The following ZMIZ2 variants were observed in gnomAD, a reference collection of about 807,000 sequenced individuals.
ZMIZ2 encodes zinc finger MIZ-type containing 2.
A neutral mutation model predicts 93.9 loss-of-function variants in ZMIZ2; 26 were observed. The observed-to-expected ratio is 0.28, with a 90% CI of 0.20 to 0.38. The LOEUF (loss-of-function observed/expected upper bound fraction) is 0.38. Ranked by LOEUF, ZMIZ2 falls within the 10% of genes least tolerant of loss-of-function variation. The pLI is 1.00. For missense variants in ZMIZ2, 1,023 were observed against 1,235.0 expected (o/e 0.83, Z 2.57); for synonymous variants, 485 against 516.4 (o/e 0.94, Z 0.82).
At chr7:44,755,801 C>T (rs1790538374) in intron 1 of ZMIZ2, among the ~76,000 whole-genome samples, 1 of 152,198 alleles carries the variant, frequency 6.6e-6, no homozygotes, top group Non-Finnish European at 1.5e-5. Flanking sequence ...TGGCTACTGG[C>T]TCCTCTCTAA....
rs764732978 is a variant in ZMIZ2 at position 44,766,484 on chromosome 7, A to G, written c.2476A>G (p.Asn826Asp). 6.8e-6 allele frequency: 11 copies of G among 1,613,936 alleles called. No individual in the cohort carries two copies. In the Admixed American group the frequency reaches 1.2e-4, roughly 17 times the overall value. ...NPGTPGLHTS[N>D]LGAPPGPQLH... ...TGGGACACCAGGACTACACACCTCCAACCTTGGGGCCCCTCCAGGTCCCCA... is the reference window on the plus strand; with the variant it reads ...TGGGACACCAGGACTACACACCTCCGACCTTGGGGCCCCTCCAGGTCCCCA... Residue 826 changes from asparagine (N) to aspartate (D), a missense_variant, in exon 18 of 19, where the codon AAC becomes GAC. By Grantham distance (23) the Asn-to-Asp change is conservative (BLOSUM62 1). Around this residue, in one of 3 missense-constraint regions of ZMIZ2, gnomAD observed 319 missense variants for 358.8 expected, o/e 0.89. Coordinates refer to ENST00000309315, the MANE Select transcript of ZMIZ2 (RefSeq NM_031449.4). The surrounding 1 kb of genome is among the most constrained non-coding windows in gnomAD (Gnocchi z 4.4).
At position 44,763,438 on chromosome 7, in the gene ZMIZ2, C is replaced by G; in HGVS notation, c.1860+25C>G. 6.2e-7 allele frequency: 1 copy of G among 1,611,556 alleles called. No individual in the cohort carries two copies. The highest frequency in any genetic ancestry group is 1.7e-5 in the Admixed American group (1 of 59,896). Reference sequence around the variant, plus strand: ...GGTAGGTGGTTACTGCAGAGTCTTGCCGGAATTTGCTGCTGCTAAAATATC... The same window carrying G: ...GGTAGGTGGTTACTGCAGAGTCTTGGCGGAATTTGCTGCTGCTAAAATATC... On this transcript the variant is annotated intron_variant, in intron 13 of 18. Coordinates refer to ENST00000309315, the MANE Select transcript of ZMIZ2 (RefSeq NM_031449.4). The surrounding 1 kb of genome is among the most constrained non-coding windows in gnomAD (Gnocchi z 5.6).
At position 44,766,788 on chromosome 7, in the gene ZMIZ2, T is replaced by C; in HGVS notation, c.2655+125T>C. 6.9e-7 allele frequency: 1 copy of C among 1,440,554 alleles called. No individual in the cohort carries two copies. Among genetic ancestry groups the C allele is most frequent in the Non-Finnish European group, 9.3e-7 (1 of 1,075,216 alleles). 89.2% of individuals were successfully genotyped at this position (1,440,554 alleles called of 1,614,324 possible). A position where few individuals can be genotyped will look rare whatever the true frequency, so the allele number is the denominator to read the frequency against. On this transcript the variant is annotated intron_variant, in intron 18 of 18. Coordinates refer to ENST00000309315, the MANE Select transcript of ZMIZ2 (RefSeq NM_031449.4). This position sits in a 1 kb window ranked among gnomAD's most constrained non-coding sequence, Gnocchi z 4.4. The stretch of plus-strand genomic sequence containing the variant: ...AGAGAGCCGGTCAGATAAGGTCAAC[T>C]AAATGCAGCTTTTGTTCATGAATTA...
intron 1 of ZMIZ2, chr7:44,749,764 T>G (rs1789976365): frequency 6.6e-6 from 1 of 152,326 alleles, no homozygotes; most frequent in South Asian, 2.1e-4. Flanking sequence ...GTACCCTCTT[T>G]CCAGTATTAC....
In ZMIZ2 at chr7:44,766,586, G is replaced by A. The variant is rs567088827; in HGVS notation, c.2578G>A (p.Ala860Thr). ...QASLGPTGEL[A>T]FSPATGVMGP... ...GAGCTTAGGACCTACGGGTGAACTG[G>A]CCTTCAGTCCTGCCACAGGCGTGAT... Residue 860 changes from alanine (A) to threonine (T), a missense_variant, in exon 18 of 19, where the codon GCC becomes ACC. Physicochemically the swap from Ala to Thr is moderately conservative, Grantham distance 58. Transcript: ENST00000309315. This position sits in a 1 kb window ranked among gnomAD's most constrained non-coding sequence, Gnocchi z 4.4. 3 of 1,613,594 alleles carry A rather than the reference G, an allele frequency of 1.9e-6. No homozygotes were observed. The highest frequency in any genetic ancestry group is 3.3e-5 in the Admixed American group (2 of 60,022).
intron 4 of ZMIZ2, 80 bp from the exon 5 acceptor site, chr7:44,757,298 G>A: frequency 2.6e-6 from 4 of 1,544,040 alleles, no homozygotes; most frequent in Non-Finnish European, 3.5e-6. Flanking sequence ...CCCCCTGGGT[G>A]CTGCATGCCT....
At position 44,757,454 on chromosome 7, in the gene ZMIZ2, G is replaced by A; in HGVS notation, c.445G>A (p.Ala149Thr). ...CTCCACTGACTTCACGCAAGCGGCA[G>A]CTGCTGCAGCTGTGGCTGCTGCGGC... Reference protein sequence around the residue: ...RPSTDFTQAAAAAAVAAAAAT... With the variant: ...RPSTDFTQAATAAAVAAAAAT... Residue 149 changes from alanine (A) to threonine (T), a missense_variant, in exon 5 of 19, where the codon GCT becomes ACT. By Grantham distance (58) the Ala-to-Thr change is moderately conservative. Coordinates refer to ENST00000309315, the MANE Select transcript of ZMIZ2 (RefSeq NM_031449.4). 1 of 1,607,010 alleles carries A rather than the reference G, an allele frequency of 6.2e-7. No individual in the cohort carries two copies. Among genetic ancestry groups the A allele is most frequent in the Non-Finnish European group, 8.5e-7 (1 of 1,179,682 alleles).
rs921389556 is a variant in ZMIZ2, at chr7:44,766,949, T to C, written c.2655+286T>C. ...TGACAGCACGGTCCTTAGAGTCAAA[T>C]TTCGTCTGTCCATTTGCTCAGTAGC... On this transcript the variant is annotated intron_variant, in intron 18 of 18. Coordinates refer to ENST00000309315, the MANE Select transcript of ZMIZ2 (RefSeq NM_031449.4). The surrounding 1 kb of genome is among the most constrained non-coding windows in gnomAD (Gnocchi z 4.4). 4.6e-5 allele frequency among the ~76,000 whole-genome samples: 7 copies of C among 152,072 alleles called. No individual in the cohort carries two copies. The highest frequency in any genetic ancestry group is 1.0e-4 in the Non-Finnish European group (7 of 68,016).
chr7:44,760,441 C>T lies in ZMIZ2; in HGVS notation c.1088C>T (p.Pro363Leu), dbSNP rs765403239. 2.8e-5 allele frequency: 45 copies of T among 1,614,036 alleles called. No individual in the cohort carries two copies. Among genetic ancestry groups the T allele is most frequent in the Non-Finnish European group, 3.7e-5 (44 of 1,179,950 alleles). ...PGLSGPTRSI[P>L]GYPSSPLPGN... ...ACCCTACAGCCTACCCGTTCCATCC[C>T]GGGCTATCCCAGTTCCCCACTGCCA... The change falls in exon 9 of 19, where the codon CCG becomes CTG. Residue 363 changes from proline (P) to leucine (L), a missense_variant. Pro to Leu is a moderately conservative substitution (Grantham distance 98). This residue lies in a region of ZMIZ2 where 656 missense variants were observed against 777.1 expected (regional missense o/e 0.84). Coordinates refer to ENST00000309315, the MANE Select transcript of ZMIZ2 (RefSeq NM_031449.4).
chr7:44,767,566 A>G lies in ZMIZ2; in HGVS notation c.2706A>G (p.Pro902=). 6.2e-7 allele frequency: 1 copy of G among 1,614,106 alleles called. No individual in the cohort carries two copies. The highest frequency in any genetic ancestry group is 8.5e-7 in the Non-Finnish European group (1 of 1,180,008). ...NPDELLSYLG[P]PDLPTNNNDD... ...ATGAGCTACTGTCCTACTTGGGCCC[A>G]CCCGACCTCCCTACGAACAACAATG... Residue 902 remains proline, a synonymous_variant, in exon 19 of 19, where the codon CCA becomes CCG. Transcript: ENST00000309315.
rs528115124 is a variant in ZMIZ2, at chr7:44,750,735, C to T, written c.-63+1744C>T. Among the ~76,000 whole-genome samples, 143 of 152,258 alleles carry T rather than the reference C, an allele frequency of 9.4e-4. 1 individual carries two copies. The highest frequency in any genetic ancestry group is 3.3e-3 in the African/African-American group (137 of 41,544). The stretch of plus-strand genomic sequence containing the variant: ...CTAGAGGAAGATGTGATCTGACCCC[C>T]GAGAAAGCCTTGTGGCCCTCTAGAC... On this transcript the variant is annotated intron_variant, in intron 1 of 18. Coordinates refer to ENST00000309315, the MANE Select transcript of ZMIZ2 (RefSeq NM_031449.4).
At position 44,763,693 on chromosome 7, in the gene ZMIZ2, C is replaced by T. The variant is rs1791423725; in HGVS notation, c.1860+280C>T. Reference sequence around the variant, plus strand: ...GCATAAGATTGCAGGGTCCAGTCTTCCTGCCCTACCCCCAAGGGTGACCAT... The same window carrying T: ...GCATAAGATTGCAGGGTCCAGTCTTTCTGCCCTACCCCCAAGGGTGACCAT... On this transcript the variant is annotated intron_variant, in intron 13 of 18. Coordinates refer to ENST00000309315, the MANE Select transcript of ZMIZ2 (RefSeq NM_031449.4). This position sits in a 1 kb window ranked among gnomAD's most constrained non-coding sequence, Gnocchi z 5.6. 24 of 439,408 alleles carry T rather than the reference C, an allele frequency of 5.5e-5. 1 individual carries two copies. In the South Asian group the frequency reaches 6.8e-4, roughly 12 times the overall value. The allele number at this position is 439,408 out of a possible 1,614,324, so 27.2% of individuals were successfully genotyped here. A position where few individuals can be genotyped will look rare whatever the true frequency, so the allele number is the denominator to read the frequency against.
At chr7:44,755,296 C>T (rs902860197) in intron 1 of ZMIZ2, among the ~76,000 whole-genome samples, 2 of 152,156 alleles carry the variant, frequency 1.3e-5, no homozygotes, top group African/African-American at 2.4e-5. Context: ...AAGTCACAGT[C>T]CCTGCCAGGT....
At position 44,766,441 on chromosome 7, in the gene ZMIZ2, G is replaced by A. The variant is rs1246325943; in HGVS notation, c.2433G>A (p.Leu811=). ...TTCAGATGGCACCAGCAGGTCACCTGGACCCCACTCACAATCCTGGGACAC... is the reference window on the plus strand; with the variant it reads ...TTCAGATGGCACCAGCAGGTCACCTAGACCCCACTCACAATCCTGGGACAC... ...LPSQMAPAGH[L]DPTHNPGTPG... Residue 811 remains leucine, a synonymous_variant, in exon 18 of 19, where the codon CTG becomes CTA. Transcript: ENST00000309315. The surrounding 1 kb of genome is among the most constrained non-coding windows in gnomAD (Gnocchi z 4.4). 6.2e-7 allele frequency: 1 copy of A among 1,614,060 alleles called. No homozygotes were observed. The highest frequency in any genetic ancestry group is 1.3e-5 in the African/African-American group (1 of 74,932).
intron 1 of ZMIZ2, among the ~76,000 whole-genome samples, chr7:44,750,804 T>A (rs1315472794): frequency 6.6e-6 from 1 of 150,616 alleles, no homozygotes; most frequent in African/African-American, 2.4e-5. Context: ...CCAGCTGGAG[T>A]TAGTTTACAA....
Position 44,761,333 on chromosome 7 carries a change from T to G in ZMIZ2, c.1241-116T>G. 2.0e-6 allele frequency: 3 copies of G among 1,486,048 alleles called. No homozygotes were observed. Among genetic ancestry groups the G allele is most frequent in the Admixed American group, 2.2e-5 (1 of 45,644 alleles). The allele number at this position is 1,486,048 out of a possible 1,614,324, so 92.1% of individuals were successfully genotyped here. On this transcript the variant is annotated intron_variant, in intron 9 of 18. Coordinates refer to ENST00000309315, the MANE Select transcript of ZMIZ2 (RefSeq NM_031449.4). The surrounding 1 kb of genome is among the most constrained non-coding windows in gnomAD (Gnocchi z 5.8). ...CCAAGCAGTGCCTGACAGGAGGGGC[T>G]CCCTTCACCAAGGTCCCTGCGGGGA...
In ZMIZ2 at chr7:44,767,923, C is replaced by G. The variant is rs1791880064; in HGVS notation, c.*300C>G. The G allele has an allele frequency of 2.1e-6, 1 of 472,290 alleles. No individual in the cohort carries two copies. The highest frequency in any genetic ancestry group is 4.1e-5 in the East Asian group (1 of 24,186). The allele number at this position is 472,290 out of a possible 1,614,324, so 29.3% of individuals were successfully genotyped here. On this transcript the variant is annotated 3_prime_UTR_variant, in exon 19 of 19. Coordinates refer to ENST00000309315, the MANE Select transcript of ZMIZ2 (RefSeq NM_031449.4). ...TGTCCAGCCTTGTCCACACACACAT[C>G]TCACGCCCCTGGTCTCACAGCCTCA... is the stretch of plus-strand genomic sequence containing the variant.
At chr7:44,753,279 CTG>C (rs1790317755) in intron 1 of ZMIZ2, among the ~76,000 whole-genome samples, 1 of 150,730 alleles carries the variant, frequency 6.6e-6, no homozygotes, top group Non-Finnish European at 1.5e-5. Flanking sequence ...ATGGTTCACT[CTG>C]TCATCCAGGC....
intron 13 of ZMIZ2, 21 bp from the exon 14 acceptor site, chr7:44,764,398 T>G: frequency 2.5e-6 from 4 of 1,613,360 alleles, no homozygotes; most frequent in Non-Finnish European, 3.4e-6. Flanking sequence ...AGAAACTGAC[T>G]TTCTTCCCAT....
Sources: allele counts gnomAD v4.1 joint callset (sites outside exome capture counted in the v4.1 genomes callset), GRCh38; gene constraint gnomAD v4.1.1; regional missense constraint gnomAD v4.1.1; non-coding constraint Gnocchi (gnomAD v3.1); transcripts MANE v1.5; gene names NCBI Gene and HGNC (gene_info 2026-07-23, HGNC 2026-07-21).